Variants in MATN2 observed in about 807,000 individuals in gnomAD.
The protein encoded by MATN2 is matrilin 2.
A neutral mutation model predicts 103.2 loss-of-function variants in MATN2; 69 were observed. That is an observed-to-expected ratio of 0.67 (90% CI 0.55 to 0.82). MATN2 has a LOEUF of 0.82. Among genes scored for constraint, MATN2 ranks in the 40% least tolerant of loss-of-function variants. The pLI is 0.00. For missense variants in MATN2, 1,023 were observed against 1,211.5 expected (o/e 0.84, Z 2.31); for synonymous variants, 429 against 450.2 (o/e 0.95, Z 0.60).
intron 6 of MATN2, among the ~76,000 whole-genome samples, chr8:97,993,333 TC>T (rs1480713287): frequency 2.0e-5 from 3 of 152,164 alleles, no homozygotes; most frequent in African/African-American, 7.2e-5. Context: ...ATAAAAACCC[TC>T]ATCAAAACAA....
chr8:98,031,163 C>G (rs1814004106), intron 15 of MATN2, among the ~76,000 whole-genome samples: 5 of 151,908 alleles, frequency 3.3e-5, no homozygotes, highest in Admixed American at 3.3e-4. Flanking sequence ...AAAGTGAAAC[C>G]CTGTCTCTGA....
intron 2 of MATN2, among the ~76,000 whole-genome samples, chr8:97,909,655 T>C (rs1819295613): frequency 6.6e-6 from 1 of 151,990 alleles, no homozygotes. Context: ...TCTTGCCGAG[T>C]GAGTGAGGGG....
At chr8:98,029,630 T>C (rs1401104968) in intron 14 of MATN2, among the ~76,000 whole-genome samples, 1 of 152,228 alleles carries the variant, frequency 6.6e-6, no homozygotes, top group East Asian at 1.9e-4. Flanking sequence ...TGAACTTGGT[T>C]AGTGACCTTA....
chr8:97,973,542 TTGAAGAAAAAAGTATGATA>T (rs913913155), intron 5 of MATN2, among the ~76,000 whole-genome samples: 9 of 151,746 alleles, frequency 5.9e-5, no homozygotes, highest in Admixed American at 5.9e-4. Flanking sequence ...TAATTTTAAG[TTGAAGAAAAAAGTATGATA>T]TTTACAAATC....
At chr8:97,915,283 T>C (rs1386685525) in intron 2 of MATN2, among the ~76,000 whole-genome samples, 2 of 152,182 alleles carry the variant, frequency 1.3e-5, no homozygotes, top group Non-Finnish European at 2.9e-5. Context: ...TGAGCCATCG[T>C]GCCTGGCCTG....
At chr8:98,016,234 G>A (rs1813352522) in intron 10 of MATN2, among the ~76,000 whole-genome samples, 1 of 152,146 alleles carries the variant, frequency 6.6e-6, no homozygotes, top group South Asian at 2.1e-4. Flanking sequence ...TTAGCCTGGT[G>A]TGGTGGTGCA....
intron 2 of MATN2, among the ~76,000 whole-genome samples, chr8:97,889,476 TATATATATA>T (rs1818558169): frequency 1.4e-5 from 2 of 142,158 alleles, no homozygotes; most frequent in Non-Finnish European, 3.1e-5. Flanking sequence ...TATATATATA[TATATATATA>T]TATAAAACTG....
chr8:98,025,142 A>G (rs1300730164), intron 13 of MATN2: 1 of 152,214 alleles, frequency 6.6e-6, no homozygotes, highest in Non-Finnish European at 1.5e-5. Context: ...GGAACAGACT[A>G]TGAATGTAAA....
At chr8:97,943,688 C>T (rs1810649834) in intron 4 of MATN2, among the ~76,000 whole-genome samples, 1 of 152,112 alleles carries the variant, frequency 6.6e-6, no homozygotes, top group Non-Finnish European at 1.5e-5. Flanking sequence ...CTCCTGAGCT[C>T]AAGTGCTCCA....
chr8:97,921,076 A>G (rs1586416082), intron 2 of MATN2, among the ~76,000 whole-genome samples: 1 of 152,130 alleles, frequency 6.6e-6, no homozygotes. Flanking sequence ...TACCAATTAC[A>G]CTTCATCTTA....
In MATN2 at chr8:97,879,992, G is replaced by A. The variant is rs140915894; in HGVS notation, c.-26-8083G>A. 4.6e-5 allele frequency among the ~76,000 whole-genome samples: 7 copies of A among 152,092 alleles called. No individual in the cohort carries two copies. The East Asian group carries it at 1.3e-3, about 29-fold the overall frequency. On this transcript the variant is annotated intron_variant, in intron 1 of 18. Coordinates refer to ENST00000254898, the MANE Select transcript of MATN2 (RefSeq NM_002380.5). The stretch of plus-strand genomic sequence containing the variant: ...TTCTCTGTGAACTCATAGAACAGTT[G>A]GTGTGCATACCTGGTATGCTGACAA...
intron 1 of MATN2, among the ~76,000 whole-genome samples, chr8:97,876,765 C>T (rs537323409): frequency 6.6e-6 from 1 of 152,276 alleles, no homozygotes; most frequent in Non-Finnish European, 1.5e-5. Context: ...AATCCCCGCT[C>T]AGGCTCTTTC....
intron 5 of MATN2, among the ~76,000 whole-genome samples, chr8:97,964,461 TTC>T (rs1325022211): frequency 3.9e-4 from 58 of 149,874 alleles, no homozygotes; most frequent in Non-Finnish European, 6.7e-4. Flanking sequence ...TTTTTTTTTT[TTC>T]TTTTTTTTGA....
chr8:97,938,811 T>C (rs1272164719), intron 3 of MATN2, among the ~76,000 whole-genome samples: 1 of 152,208 alleles, frequency 6.6e-6, no homozygotes, highest in Admixed American at 6.5e-5. Flanking sequence ...CTGGTGACAA[T>C]ATTTTTTGTC....
chr8:97,881,878 A>G (rs1818263283), intron 1 of MATN2, among the ~76,000 whole-genome samples: 1 of 144,516 alleles, frequency 6.9e-6, no homozygotes, highest in African/African-American at 2.6e-5. Flanking sequence ...GTTGGCATCT[A>G]TATGGTATCC....
intron 6 of MATN2, among the ~76,000 whole-genome samples, chr8:97,983,441 A>C (rs1812091309): frequency 6.6e-6 from 1 of 151,726 alleles, no homozygotes; most frequent in Non-Finnish European, 1.5e-5. Context: ...CTAGATTGAA[A>C]CCCTTATTCT....
rs1296035831 is a variant in MATN2, at chr8:97,945,713, A to ATATATATAT, written c.835+3814_835+3815insTATATATAT. Among the ~76,000 whole-genome samples, 10 of 69,474 alleles carry ATATATATAT rather than the reference A, an allele frequency of 1.4e-4. No individual in the cohort carries two copies. In the Middle Eastern group the frequency reaches 0.016, roughly 110 times the overall value. 45.6% of individuals were successfully genotyped at this position (69,474 alleles called of 152,430 possible). A position where few individuals can be genotyped will look rare whatever the true frequency, so the allele number is the denominator to read the frequency against. ...CACACATACACACTATAGAAAAAAA[A>ATATATATAT]AAAAATATATATATATATATATAAT... On this transcript the variant is annotated intron_variant, in intron 4 of 18. Coordinates refer to ENST00000254898, the MANE Select transcript of MATN2 (RefSeq NM_002380.5).
At chr8:97,921,992 T>A (rs868826726) in intron 2 of MATN2, among the ~76,000 whole-genome samples, 1 of 152,136 alleles carries the variant, frequency 6.6e-6, no homozygotes, top group South Asian at 2.1e-4. Context: ...GACATTCCGT[T>A]CTCACACAAG....
In MATN2 at chr8:98,010,927, T is replaced by C. The variant is rs1170303704; in HGVS notation, c.1573+3326T>C. Among the ~76,000 whole-genome samples, 11 of 152,336 alleles carry C rather than the reference T, an allele frequency of 7.2e-5. No individual in the cohort carries two copies. The East Asian group carries it at 9.6e-4, about 13-fold the overall frequency. ...GGGCTGAGGCAGGCCTAGGCGAGGC[T>C]AGGGGAGTGTCTTAGTCTACTCGGG... is the stretch of plus-strand genomic sequence containing the variant. On this transcript the variant is annotated intron_variant, in intron 10 of 18. Coordinates refer to ENST00000254898, the MANE Select transcript of MATN2 (RefSeq NM_002380.5).
Sources: allele counts gnomAD v4.1 joint callset (sites outside exome capture counted in the v4.1 genomes callset), GRCh38; gene constraint gnomAD v4.1.1; transcripts MANE v1.5; gene names NCBI Gene and HGNC (gene_info 2026-07-23, HGNC 2026-07-21).